The following ATP8B4 variants were observed in gnomAD, a reference collection of about 807,000 sequenced individuals.
ATP8B4 encodes the protein ATPase phospholipid transporting 8B4 (putative).
ATP8B4 carries 133 observed loss-of-function variants against 145.6 expected under a neutral mutation model. The ratio of observed to expected loss-of-function variants is 0.91; its 90% CI spans 0.79 to 1.05. The LOEUF is 1.05. Among genes scored for constraint, ATP8B4 ranks in the 50% least tolerant of loss-of-function variants. The pLI is 0.00. For synonymous variants in ATP8B4, 507 were observed against 492.9 expected (o/e 1.03, Z -0.38); for missense variants, 1,458 against 1,425.2 (o/e 1.02, Z -0.37).
At chr15:49,957,820 TTTAA>T (rs773146400) in intron 14 of ATP8B4, among the ~76,000 whole-genome samples, 28 of 151,938 alleles carry the variant, frequency 1.8e-4, no homozygotes, top group Admixed American at 3.9e-4. Flanking sequence ...ATCAGAACAC[TTTAA>T]TTAGCTTCTT....
At chr15:49,881,697 T>C (rs2035447735) in intron 23 of ATP8B4, among the ~76,000 whole-genome samples, 1 of 152,192 alleles carries the variant, frequency 6.6e-6, no homozygotes, top group South Asian at 2.1e-4. Context: ...TGGCACTCCC[T>C]GGAACCCCCC....
chr15:50,125,041 G>A (rs1306270389), intron 1 of ATP8B4, among the ~76,000 whole-genome samples: 1 of 152,178 alleles, frequency 6.6e-6, no homozygotes, highest in Admixed American at 6.5e-5. Context: ...TTGCTATCAG[G>A]GGAGTATAGT....
chr15:50,033,523 T>G (rs886610310), intron 6 of ATP8B4, among the ~76,000 whole-genome samples: 11 of 152,208 alleles, frequency 7.2e-5, no homozygotes, highest in African/African-American at 2.7e-4. Context: ...AAATATTTAT[T>G]ATGTGAAAAA....
intron 25 of ATP8B4, among the ~76,000 whole-genome samples, chr15:49,870,077 T>C (rs12909220): frequency 0.47 from 71,268 of 151,994 alleles, 16,814 homozygotes; most frequent in African/African-American, 0.52. Context: ...AGCATTGCCT[T>C]AATAGCAAAA....
intron 9 of ATP8B4, among the ~76,000 whole-genome samples, chr15:49,996,111 G>A (rs2047404448): frequency 6.6e-6 from 1 of 152,122 alleles, no homozygotes; most frequent in Admixed American, 6.6e-5. Flanking sequence ...TGAATGGTAT[G>A]AAGATGGAAA....
chr15:50,146,439 T>C (rs78107400), intron 1 of ATP8B4, among the ~76,000 whole-genome samples: 2,942 of 152,340 alleles, frequency 0.019, 101 homozygotes, highest in African/African-American at 0.067. Context: ...AAAATAATTA[T>C]TCCAAGTAAC....
chr15:50,131,713 T>C (rs955120131), intron 1 of ATP8B4, among the ~76,000 whole-genome samples: 2 of 149,944 alleles, frequency 1.3e-5, no homozygotes, highest in African/African-American at 4.9e-5. Flanking sequence ...ATCTTTGGAA[T>C]AATACTAACA....
At chr15:50,171,405 C>T (rs1032203702) in intron 1 of ATP8B4, among the ~76,000 whole-genome samples, 17 of 152,238 alleles carry the variant, frequency 1.1e-4, no homozygotes, top group African/African-American at 4.1e-4. Flanking sequence ...CAAAAGGAAC[C>T]TTCAAAACCA....
chr15:50,088,245 T>C (rs2055349333), intron 2 of ATP8B4, among the ~76,000 whole-genome samples: 1 of 151,848 alleles, frequency 6.6e-6, no homozygotes, highest in South Asian at 2.1e-4. Context: ...TAGCTGGGCG[T>C]GGTGGCAGGC....
intron 20 of ATP8B4, among the ~76,000 whole-genome samples, chr15:49,903,405 C>G (rs2038262458): frequency 6.6e-6 from 1 of 152,168 alleles, no homozygotes. Context: ...CAGTTTATTA[C>G]AATTCTTGGC....
At chr15:50,027,641 C>T (rs1329938389) in intron 6 of ATP8B4, among the ~76,000 whole-genome samples, 3 of 152,142 alleles carry the variant, frequency 2.0e-5, no homozygotes, top group Non-Finnish European at 4.4e-5. Context: ...TTTCTTTCCC[C>T]CTGCAACTCC....
At chr15:50,095,803 C>G (rs2055943175) in intron 2 of ATP8B4, among the ~76,000 whole-genome samples, 1 of 151,774 alleles carries the variant, frequency 6.6e-6, no homozygotes, top group Non-Finnish European at 1.5e-5. Flanking sequence ...AATTAGATAT[C>G]TGAGCTACTT....
upstream of ATP8B4, among the ~76,000 whole-genome samples, chr15:50,123,361 G>A (rs2057285906): frequency 6.6e-6 from 1 of 152,036 alleles, no homozygotes; most frequent in African/African-American, 2.4e-5. Flanking sequence ...TCTTACCTAG[G>A]GACCAGTCTG....
intron 20 of ATP8B4, among the ~76,000 whole-genome samples, chr15:49,908,751 C>T (rs901951099): frequency 2.0e-5 from 3 of 152,134 alleles, no homozygotes; most frequent in Non-Finnish European, 4.4e-5. Context: ...CTGACATTCC[C>T]CACCTGCAGC....
At chr15:50,003,556 T>G (rs2048075068) in intron 7 of ATP8B4, among the ~76,000 whole-genome samples, 1 of 152,130 alleles carries the variant, frequency 6.6e-6, no homozygotes, top group Non-Finnish European at 1.5e-5. Flanking sequence ...AAAAAAATTT[T>G]TTTTGAAAAT....
At chr15:50,112,895 C>T (rs1347727877) in intron 1 of ATP8B4, among the ~76,000 whole-genome samples, 2 of 152,152 alleles carry the variant, frequency 1.3e-5, no homozygotes, top group Non-Finnish European at 2.9e-5. Context: ...GCTTCCCATC[C>T]CAACCCACCA....
At chr15:50,033,740 T>C (rs1451828544) in intron 6 of ATP8B4, among the ~76,000 whole-genome samples, 1 of 152,190 alleles carries the variant, frequency 6.6e-6, no homozygotes, top group Admixed American at 6.5e-5. Flanking sequence ...TAGTTCACAA[T>C]GATTATTGTT....
intron 5 of ATP8B4, among the ~76,000 whole-genome samples, chr15:50,044,117 C>T (rs1173338087): frequency 6.6e-6 from 1 of 152,164 alleles, no homozygotes; most frequent in East Asian, 1.9e-4. Flanking sequence ...TTTGACTGTA[C>T]AGGGAGTTGG....
At chr15:50,101,406 T>C (rs996491958) in intron 2 of ATP8B4, among the ~76,000 whole-genome samples, 2 of 151,926 alleles carry the variant, frequency 1.3e-5, no homozygotes, top group Admixed American at 1.3e-4. Flanking sequence ...AGATATTCTA[T>C]GCACATGGAC....
Sources: gnomAD v4.1 joint callset for allele counts (sites outside exome capture counted in the v4.1 genomes callset) on GRCh38, gnomAD v4.1.1 for gene constraint, MANE v1.5 for transcripts, NCBI Gene and HGNC (gene_info 2026-07-23, HGNC 2026-07-21) for gene names.